LMF1: variants seen among roughly 807,000 people sequenced by gnomAD.
LMF1 encodes lipase maturation factor 1, also known as transmembrane protein 112.
A neutral mutation model predicts 60.6 loss-of-function variants in LMF1; 68 were observed. That is an observed-to-expected ratio of 1.12 (90% CI 0.92 to 1.37). LMF1 has a LOEUF of 1.37. Among genes scored for constraint, LMF1 ranks in the 40% most tolerant of loss-of-function variants. The pLI, the probability that LMF1 is intolerant of heterozygous loss-of-function variation, is 0.00. For synonymous variants in LMF1, 418 were observed against 324.7 expected (o/e 1.29, Z -3.09); for missense variants, 948 against 767.2 (o/e 1.24, Z -2.78).
intron 10 of LMF1, among the ~76,000 whole-genome samples, chr16:857,049 G>A (rs2069205769): frequency 6.6e-6 from 1 of 152,270 alleles, no homozygotes; most frequent in Non-Finnish European, 1.5e-5. Flanking sequence ...CGCGGGGCAG[G>A]CGATTCTCAC....
At chr16:905,854 C>T (rs1459745000) in intron 4 of LMF1, among the ~76,000 whole-genome samples, 1 of 152,124 alleles carries the variant, frequency 6.6e-6, no homozygotes, top group African/African-American at 2.4e-5. Context: ...AGGGACGCTC[C>T]TGCCTCAGCC....
intron 3 of LMF1, among the ~76,000 whole-genome samples, chr16:930,068 G>A (rs1382025901): frequency 3.4e-5 from 5 of 146,258 alleles, no homozygotes; most frequent in Non-Finnish European, 7.4e-5. Context: ...CAGGACAGCA[G>A]TGGTCACGTC....
At chr16:920,895 C>T (rs1596997075) in intron 3 of LMF1, 1 of 152,190 alleles carries the variant, frequency 6.6e-6, no homozygotes, top group South Asian at 2.1e-4. Context: ...CCCTGCATGC[C>T]CAGAGCAAGC....
chr16:937,042 C>CA (rs2071967475), intron 2 of LMF1, among the ~76,000 whole-genome samples: 1 of 152,138 alleles, frequency 6.6e-6, no homozygotes, highest in Non-Finnish European at 1.5e-5. Flanking sequence ...TCAGGGCCAC[C>CA]AAAATACAAG....
chr16:975,031 A>C (rs546307662), upstream of LMF1, among the ~76,000 whole-genome samples: 4 of 152,126 alleles, frequency 2.6e-5, no homozygotes, highest in African/African-American at 9.6e-5. Flanking sequence ...CCCACCCCCC[A>C]CGTGAGGCTG....
intron 1 of LMF1, chr16:980,722 G>A (rs931122768): frequency 3.3e-5 from 5 of 152,082 alleles, no homozygotes; most frequent in Non-Finnish European, 7.4e-5. Context: ...CGGGGACCCG[G>A]ACCCGCGGTT....
chr16:970,768 C>T lies in LMF1; in HGVS notation c.193+20G>A. ...GCGGAGGTGACACTGGCGGATGTCC[C>T]GGGCCCGCCCGGCACTCACAGTACA... On this transcript the variant is annotated intron_variant, in intron 1 of 10. Transcript: ENST00000262301. 1 of 1,510,570 alleles carries T rather than the reference C, an allele frequency of 6.6e-7. No individual in the cohort carries two copies. Among genetic ancestry groups the T allele is most frequent in the Non-Finnish European group, 8.9e-7 (1 of 1,124,434 alleles). 93.6% of individuals were successfully genotyped at this position (1,510,570 alleles called of 1,614,324 possible).
At chr16:893,289 C>T (rs547047515) in intron 4 of LMF1, 40 of 653,908 alleles carry the variant, frequency 6.1e-5, no homozygotes, top group Non-Finnish European at 8.7e-5. Context: ...GTTTAGTGCA[C>T]ACCGCGGGCG....
chr16:979,793 C>G, intron 1 of LMF1: 1 of 453,822 alleles, frequency 2.2e-6, no homozygotes, highest in Non-Finnish European at 4.4e-6. Context: ...GAAGGTGGCA[C>G]AGTTTGGACC....
In LMF1 at chr16:930,843, G is replaced by A. The variant is rs144178263; in HGVS notation, c.514+3401C>T. 4.8e-3 allele frequency among the ~76,000 whole-genome samples: 733 copies of A among 152,300 alleles called. 7 individuals are homozygous for A. Among genetic ancestry groups the A allele is most frequent in the African/African-American group, 0.016 (685 of 41,558 alleles). ...GCTGGGCTGAGAATGGTCTGGGGCC[G>A]GGCGCAATGGCTCATGCCTGTAATC... On this transcript the variant is annotated intron_variant, in intron 3 of 10. Transcript: ENST00000262301.
chr16:861,049 T>C (rs911623702), intron 10 of LMF1, among the ~76,000 whole-genome samples: 3 of 152,154 alleles, frequency 2.0e-5, no homozygotes, highest in Admixed American at 6.5e-5. Flanking sequence ...ATTAAACCTG[T>C]CCATCAATCT....
chr16:927,169 G>C (rs2071634252), intron 3 of LMF1, among the ~76,000 whole-genome samples: 1 of 152,240 alleles, frequency 6.6e-6, no homozygotes, highest in Admixed American at 6.5e-5. Context: ...CTGCTCAAGA[G>C]CCCTTTCTCA....
chr16:863,072 G>A (rs886656650), intron 10 of LMF1, among the ~76,000 whole-genome samples: 2 of 152,098 alleles, frequency 1.3e-5, no homozygotes, highest in South Asian at 2.1e-4. Flanking sequence ...GTTTTTTGAG[G>A]AATTGGTCTA....
In LMF1 at chr16:970,896, A is replaced by G; in HGVS notation, c.85T>C (p.Ser29Pro). 1 of 1,578,006 alleles carries G rather than the reference A, an allele frequency of 6.3e-7. No homozygotes were observed. The change falls in exon 1 of 11, where the codon TCG becomes CCG. Residue 29 changes from serine to proline, a missense_variant. By Grantham distance (74) the Ser-to-Pro change is moderately conservative. Transcript: ENST00000262301. ...GGGCCACGCCCCGGCGCGGGCGGCGACTCAGGCTCCGGATCCGAGTACCCA... is the reference window on the plus strand; with the variant it reads ...GGGCCACGCCCCGGCGCGGGCGGCGGCTCAGGCTCCGGATCCGAGTACCCA... The part of the protein sequence containing the change: ...KTGYSDPEPE[S>P]PPAPGRGPAG...
rs189650415 is a variant in LMF1 at position 862,034 on chromosome 16, G to A, written c.1529+6910C>T. Among the ~76,000 whole-genome samples the A allele has an allele frequency of 2.8e-3, 422 of 152,290 alleles. 5 individuals are homozygous for A. The highest frequency in any genetic ancestry group is 9.4e-3 in the African/African-American group (392 of 41,544). On this transcript the variant is annotated intron_variant, in intron 10 of 10. Transcript: ENST00000262301. Reference sequence around the variant, plus strand: ...CTTCCCAACACTGACAGATGTGATCGTGTGAGTTATCTTCGGTAGCTGGTA... The same window carrying A: ...CTTCCCAACACTGACAGATGTGATCATGTGAGTTATCTTCGGTAGCTGGTA...
At chr16:911,173 T>C in intron 3 of LMF1, 94 bp from the exon 4 acceptor site, 1 of 1,403,032 alleles carries the variant, frequency 7.1e-7, no homozygotes, top group Non-Finnish European at 9.9e-7. Flanking sequence ...GAAACGGTCC[T>C]TGAGACAGGG....
At chr16:976,784 C>G (rs764005912) in intron 1 of LMF1, 1 of 454,166 alleles carries the variant, frequency 2.2e-6, no homozygotes, top group South Asian at 1.6e-5. Flanking sequence ...GCACCTGTCA[C>G]TGGGGAGAGA....
chr16:864,960 A>G (rs1481190871), intron 10 of LMF1, among the ~76,000 whole-genome samples: 1 of 152,194 alleles, frequency 6.6e-6, no homozygotes, highest in Non-Finnish European at 1.5e-5. Flanking sequence ...GACCATTTAC[A>G]TTGAATATAC....
intron 6 of LMF1, 30 bp downstream of exon 6, chr16:879,540 C>T: frequency 6.2e-7 from 1 of 1,608,176 alleles, no homozygotes; most frequent in South Asian, 1.1e-5. Context: ...TCTCTGTGGA[C>T]ACGGGGCAGG....
Sources: allele counts gnomAD v4.1 joint callset (sites outside exome capture counted in the v4.1 genomes callset), GRCh38; gene constraint gnomAD v4.1.1; transcripts MANE v1.5; gene names NCBI Gene and HGNC (gene_info 2026-07-23, HGNC 2026-07-21).